PAK5: variants seen among roughly 807,000 people sequenced by gnomAD.
PAK5 encodes the protein serine/threonine-protein kinase PAK 5.
Under a neutral mutation model 65.9 loss-of-function variants are expected in PAK5, and 16 were observed. The observed-to-expected ratio is 0.24, with a 90% CI of 0.16 to 0.37. The LOEUF (loss-of-function observed/expected upper bound fraction) is 0.37, where lower values mean the gene tolerates loss of function less well. PAK5 is among the 10% of genes least tolerant of loss of function. The pLI is 1.00. For missense variants in PAK5, 785 were observed against 903.9 expected (o/e 0.87, Z 1.69); for synonymous variants, 371 against 354.9 (o/e 1.05, Z -0.51).
At chr20:9,763,080 A>G (rs933197529) in intron 1 of PAK5, among the ~76,000 whole-genome samples, 9 of 152,162 alleles carry the variant, frequency 5.9e-5, no homozygotes, top group Non-Finnish European at 1.2e-4. Flanking sequence ...TCATGGAAGC[A>G]GAAGGTAGAA....
intron 2 of PAK5, among the ~76,000 whole-genome samples, chr20:9,685,602 T>C (rs1341979699): frequency 2.6e-5 from 4 of 152,222 alleles, no homozygotes; most frequent in African/African-American, 7.2e-5. Flanking sequence ...AACTTCCAGC[T>C]CCAGAACTTG....
chr20:9,751,540 C>A (rs548689020), intron 1 of PAK5, among the ~76,000 whole-genome samples: 1 of 152,240 alleles, frequency 6.6e-6, no homozygotes, highest in East Asian at 1.9e-4. Flanking sequence ...ATAGTACTTT[C>A]TTCTCCATTT....
At chr20:9,579,624 T>C (rs2045943427) in intron 4 of PAK5, among the ~76,000 whole-genome samples, 1 of 152,188 alleles carries the variant, frequency 6.6e-6, no homozygotes, top group Non-Finnish European at 1.5e-5. Flanking sequence ...AAATCAAATA[T>C]AGTAGAAAGT....
chr20:9,820,944 C>T (rs1395157105), intron 1 of PAK5, among the ~76,000 whole-genome samples: 1 of 152,208 alleles, frequency 6.6e-6, no homozygotes, highest in Non-Finnish European at 1.5e-5. Context: ...ACCACTCTTC[C>T]TCCAGCCCTG....
In PAK5 at chr20:9,835,297, A is replaced by G. The variant is rs116846170; in HGVS notation, c.-162+3465T>C. 4.8e-3 allele frequency among the ~76,000 whole-genome samples: 727 copies of G among 152,328 alleles called. 2 individuals are homozygous for G. Among genetic ancestry groups the G allele is most frequent in the Non-Finnish European group, 6.5e-3 (439 of 68,024 alleles). On this transcript the variant is annotated intron_variant, in intron 1 of 9. Transcript: ENST00000353224. ...AAACTGGAATAAGTGCTGTGGAATAAAAGTGAAAGGATGATGAGAGAGTTG... is the reference window on the plus strand; with the variant it reads ...AAACTGGAATAAGTGCTGTGGAATAGAAGTGAAAGGATGATGAGAGAGTTG...
At chr20:9,821,607 C>A (rs2049422021) in intron 1 of PAK5, among the ~76,000 whole-genome samples, 1 of 152,146 alleles carries the variant, frequency 6.6e-6, no homozygotes, top group Non-Finnish European at 1.5e-5. Flanking sequence ...ATCGAGAAAG[C>A]CACCTGGGTT....
chr20:9,801,073 T>C (rs1176744255), intron 1 of PAK5, among the ~76,000 whole-genome samples: 1 of 152,146 alleles, frequency 6.6e-6, no homozygotes, highest in Non-Finnish European at 1.5e-5. Context: ...TACAGTAAGA[T>C]ATGGAATCAG....
chr20:9,559,629 G>T (rs1183473312), intron 6 of PAK5, among the ~76,000 whole-genome samples: 1 of 152,114 alleles, frequency 6.6e-6, no homozygotes, highest in Non-Finnish European at 1.5e-5. Context: ...TGGGCATGGT[G>T]GCCGGCGCTC....
At chr20:9,713,846 C>G (rs2048108834) in intron 1 of PAK5, among the ~76,000 whole-genome samples, 1 of 151,718 alleles carries the variant, frequency 6.6e-6, no homozygotes, top group South Asian at 2.1e-4. Context: ...TTTCCAGAGA[C>G]TGGAAAGGAA....
chr20:9,701,607 G>A (rs2123463173), intron 2 of PAK5, among the ~76,000 whole-genome samples: 1 of 152,304 alleles, frequency 6.6e-6, no homozygotes, highest in East Asian at 1.9e-4. Flanking sequence ...GGCAAGTAGA[G>A]AGACAAAGTT....
chr20:9,562,800 T>C, intron 6 of PAK5, 91 bp downstream of exon 6: 1 of 1,213,434 alleles, frequency 8.2e-7, no homozygotes, highest in Non-Finnish European at 1.2e-6. Context: ...CCAAAGTGCC[T>C]GCAATTTATG....
intron 3 of PAK5, among the ~76,000 whole-genome samples, chr20:9,641,585 G>A (rs1447669162): frequency 1.4e-4 from 21 of 152,032 alleles, no homozygotes; most frequent in African/African-American, 3.9e-4. Context: ...TGTGCGGTGC[G>A]CTCACATTCC....
At chr20:9,640,593 T>A (rs2047043235) in intron 3 of PAK5, among the ~76,000 whole-genome samples, 1 of 152,222 alleles carries the variant, frequency 6.6e-6, no homozygotes, top group South Asian at 2.1e-4. Context: ...GTTCTTGGTC[T>A]CACTGACTTC....
intron 7 of PAK5, among the ~76,000 whole-genome samples, chr20:9,557,380 T>G (rs185822249): frequency 1.3e-5 from 2 of 152,148 alleles, no homozygotes; most frequent in Non-Finnish European, 2.9e-5. Flanking sequence ...CTTCCTATAC[T>G]CATTGTTAAG....
Position 9,562,916 on chromosome 20 carries a change from A to G in PAK5, c.1591T>C (p.Leu531=). ...VVMEFLEGGA[L]TDIVTHTRMN... ...CTGGTGTGAGTCACAATGTCTGTCA[A>G]GGCACCACCTTCTAGAAACTCCATG... The change falls in exon 6 of 10, where the codon TTG becomes CTG. Residue 531 remains leucine, a synonymous_variant. Transcript: ENST00000353224. The G allele has an allele frequency of 6.2e-7, 1 of 1,613,884 alleles. No homozygotes were observed. The highest frequency in any genetic ancestry group is 1.1e-5 in the South Asian group (1 of 91,062).
chr20:9,689,809 T>C (rs1251032291), intron 2 of PAK5, among the ~76,000 whole-genome samples: 2 of 152,200 alleles, frequency 1.3e-5, no homozygotes, highest in African/African-American at 4.8e-5. Context: ...TCTCTGTGAA[T>C]TCATGTGTAG....
intron 3 of PAK5, among the ~76,000 whole-genome samples, chr20:9,599,588 G>T (rs192733929): frequency 1.2e-3 from 177 of 152,246 alleles, no homozygotes; most frequent in Middle Eastern, 6.8e-3. Context: ...TGTGATTTTT[G>T]ATTTGCATTT....
chr20:9,620,014 G>A (rs972644553), intron 3 of PAK5, among the ~76,000 whole-genome samples: 1 of 152,162 alleles, frequency 6.6e-6, no homozygotes, highest in Non-Finnish European at 1.5e-5. Context: ...CTTGTTAAAC[G>A]TTGTCCAAGG....
At chr20:9,739,560 T>C (rs2048428440) in intron 1 of PAK5, among the ~76,000 whole-genome samples, 1 of 152,200 alleles carries the variant, frequency 6.6e-6, no homozygotes, top group Non-Finnish European at 1.5e-5. Context: ...TAATTTATGC[T>C]ATACTTTCTT....
Sources: allele counts gnomAD v4.1 joint callset (sites outside exome capture counted in the v4.1 genomes callset), GRCh38; gene constraint gnomAD v4.1.1; transcripts MANE v1.5; gene names NCBI Gene and HGNC (gene_info 2026-07-23, HGNC 2026-07-21).